ADCY1: variants seen among roughly 807,000 people sequenced by gnomAD.
ADCY1 encodes the protein adenylate cyclase type 1.
A neutral mutation model predicts 105.4 loss-of-function variants in ADCY1; 28 were observed. The observed-to-expected ratio is 0.27, with a 90% CI of 0.20 to 0.36. The LOEUF (loss-of-function observed/expected upper bound fraction) is 0.36, where lower values mean the gene tolerates loss of function less well. Ranked by LOEUF, ADCY1 falls within the 10% of genes least tolerant of loss-of-function variation. The pLI is 1.00. For synonymous variants in ADCY1, 655 were observed against 623.8 expected (o/e 1.05, Z -0.75); for missense variants, 977 against 1,434.2 (o/e 0.68, Z 5.15).
intron 1 of ADCY1, among the ~76,000 whole-genome samples, chr7:45,590,435 G>T (rs1792879607): frequency 6.6e-6 from 1 of 152,312 alleles, no homozygotes; most frequent in East Asian, 1.9e-4. Context: ...CGCAGGCCTT[G>T]CTGGCTTAGC....
chr7:45,634,786 G>A (rs2115991035), intron 4 of ADCY1, among the ~76,000 whole-genome samples: 1 of 152,270 alleles, frequency 6.6e-6, no homozygotes, highest in African/African-American at 2.4e-5. Flanking sequence ...ACATTTATGG[G>A]TTGTAACCCC....
rs762495078 is a variant in ADCY1 at position 45,710,607 on chromosome 7, C to T, written c.3012C>T (p.Asn1004=). Residue 1004 remains asparagine, a synonymous_variant, in exon 19 of 20, where the codon AAC becomes AAT. Coordinates refer to ENST00000297323, the MANE Select transcript of ADCY1 (RefSeq NM_021116.4). The surrounding 1 kb of genome is among the most constrained non-coding windows in gnomAD (Gnocchi z 4.7). ...ACGACATCTGGGGAAACACAGTCAA[C>T]GTGGCCAGTCGGATGGATAGCACAG... The part of the protein sequence containing the change: ...PQYDIWGNTV[N]VASRMDSTGV... 1.9e-6 allele frequency: 3 copies of T among 1,613,990 alleles called. No homozygotes were observed. Among genetic ancestry groups the T allele is most frequent in the Admixed American group, 1.7e-5 (1 of 59,998 alleles).
intron 1 of ADCY1, among the ~76,000 whole-genome samples, chr7:45,580,548 G>T (rs1792504082): frequency 6.6e-6 from 1 of 152,200 alleles, no homozygotes; most frequent in East Asian, 1.9e-4. Flanking sequence ...TCACACTGTA[G>T]TCCCACAGGG....
At chr7:45,675,514 T>C (rs1418358905) in intron 8 of ADCY1, among the ~76,000 whole-genome samples, 1 of 152,126 alleles carries the variant, frequency 6.6e-6, no homozygotes, top group African/African-American at 2.4e-5. Context: ...ACTATTTTCT[T>C]TTTTGTTTCA....
Position 45,610,507 on chromosome 7 carries a change from G to C in ADCY1, c.908+10G>C, listed in dbSNP as rs74882878. On this transcript the variant is annotated intron_variant, in intron 3 of 19. Coordinates refer to ENST00000297323, the MANE Select transcript of ADCY1 (RefSeq NM_021116.4). Reference sequence around the variant, plus strand: ...GGCACGACAATGTGAGGTAGGGCTGGTGCTGACCCGGCACAGCGGGGAGCC... The same window carrying C: ...GGCACGACAATGTGAGGTAGGGCTGCTGCTGACCCGGCACAGCGGGGAGCC... The C allele has an allele frequency of 2.5e-6, 4 of 1,609,812 alleles. No individual in the cohort carries two copies. In the African/African-American group the frequency reaches 4.0e-5, roughly 16 times the overall value.
chr7:45,691,091 T>C (rs189924702), intron 14 of ADCY1, among the ~76,000 whole-genome samples: 1 of 152,346 alleles, frequency 6.6e-6, no homozygotes, highest in East Asian at 1.9e-4. Context: ...TCATCTGGGT[T>C]GACATGGCTT....
At chr7:45,576,558 A>G (rs1025123375) in intron 1 of ADCY1, among the ~76,000 whole-genome samples, 3 of 152,148 alleles carry the variant, frequency 2.0e-5, no homozygotes, top group African/African-American at 7.2e-5. Flanking sequence ...AGGATGGCTA[A>G]AGGCTGAGGA....
At position 45,723,104 on chromosome 7, in the gene ADCY1, T is replaced by C. The variant is rs557633712; in HGVS notation, c.*9109T>C. 1 of 152,658 alleles carries C rather than the reference T, an allele frequency of 6.6e-6. No homozygotes were observed. Among genetic ancestry groups the C allele is most frequent in the African/African-American group, 2.4e-5 (1 of 41,556 alleles). The allele number at this position is 152,658 out of a possible 1,614,324, so 9.5% of individuals were successfully genotyped here. On this transcript the variant is annotated 3_prime_UTR_variant, in exon 20 of 20. Coordinates refer to ENST00000297323, the MANE Select transcript of ADCY1 (RefSeq NM_021116.4). ...ATTTAACAAAAATAAAGGGAAAAAA[T>C]TGCTTGACTAAACTCTGTGGCCATT...
intron 1 of ADCY1, among the ~76,000 whole-genome samples, chr7:45,587,001 C>T (rs1185871048): frequency 6.6e-6 from 1 of 152,240 alleles, no homozygotes; most frequent in East Asian, 1.9e-4. Context: ...TCTCCTGTCC[C>T]CATGGATAGT....
intron 5 of ADCY1, among the ~76,000 whole-genome samples, chr7:45,649,076 TCATA>T (rs751601014): frequency 1.9e-3 from 294 of 152,310 alleles, no homozygotes; most frequent in African/African-American, 3.9e-3. Flanking sequence ...TATGCATGAG[TCATA>T]CAAAAATAAA....
chr7:45,698,169 A>G (rs1192514687), intron 14 of ADCY1, among the ~76,000 whole-genome samples: 1 of 149,108 alleles, frequency 6.7e-6, no homozygotes, highest in African/African-American at 2.6e-5. Flanking sequence ...TCTCTTACAC[A>G]CACACACACA....
intron 11 of ADCY1, among the ~76,000 whole-genome samples, chr7:45,682,566 G>A (rs904543915): frequency 1.3e-5 from 2 of 152,172 alleles, no homozygotes; most frequent in Admixed American, 1.3e-4. Context: ...TCCACAAGGT[G>A]GCTGGGTGTG....
intron 4 of ADCY1, among the ~76,000 whole-genome samples, chr7:45,643,876 G>T (rs2116038395): frequency 6.6e-6 from 1 of 152,292 alleles, no homozygotes; most frequent in South Asian, 2.1e-4. Flanking sequence ...AGGGCACGCT[G>T]ATTCCTCAGT....
intron 4 of ADCY1, among the ~76,000 whole-genome samples, chr7:45,642,561 G>T (rs1320907018): frequency 6.6e-6 from 1 of 152,146 alleles, no homozygotes; most frequent in Non-Finnish European, 1.5e-5. Context: ...TGAACTGGTA[G>T]ATCTTCAGGA....
intron 2 of ADCY1, among the ~76,000 whole-genome samples, chr7:45,608,829 G>T (rs901687184): frequency 6.6e-6 from 1 of 152,116 alleles, no homozygotes; most frequent in African/African-American, 2.4e-5. Context: ...GTGAGGGCTC[G>T]GGTGGGGACT....
chr7:45,621,501 A>G lies in ADCY1; in HGVS notation c.909-1131A>G, dbSNP rs1034922258. Among the ~76,000 whole-genome samples the G allele has an allele frequency of 2.9e-4, 44 of 152,228 alleles. 1 individual carries two copies. Among genetic ancestry groups the G allele is most frequent in the Non-Finnish European group, 1.6e-4 (11 of 68,046 alleles). On this transcript the variant is annotated intron_variant, in intron 3 of 19. Coordinates refer to ENST00000297323, the MANE Select transcript of ADCY1 (RefSeq NM_021116.4). ...TAAAAATTATTATAAATGATTGTGA[A>G]CAATCACTGAGCTCTTACTAGGGGC...
intron 8 of ADCY1, among the ~76,000 whole-genome samples, chr7:45,673,964 C>CATATATATATAT (rs58025464): frequency 1.7e-4 from 19 of 115,134 alleles, no homozygotes; most frequent in African/African-American, 4.4e-4. Flanking sequence ...TTCAGATGAG[C>CATATATATATAT]ATATATATAT....
chr7:45,693,856 A>G (rs1426342713), intron 14 of ADCY1, among the ~76,000 whole-genome samples: 2 of 139,110 alleles, frequency 1.4e-5, no homozygotes, highest in Non-Finnish European at 3.1e-5. Flanking sequence ...TCAGTAAACT[A>G]TCGCAAGAAC....
At chr7:45,584,773 G>A (rs562066618) in intron 1 of ADCY1, among the ~76,000 whole-genome samples, 1 of 152,216 alleles carries the variant, frequency 6.6e-6, no homozygotes, top group Non-Finnish European at 1.5e-5. Flanking sequence ...CTCCAGGAGG[G>A]CTTCTCTCCC....
Sources: gnomAD v4.1 joint callset for allele counts (sites outside exome capture counted in the v4.1 genomes callset) on GRCh38, gnomAD v4.1.1 for gene constraint, Gnocchi (gnomAD v3.1) non-coding constraint, MANE v1.5 for transcripts, NCBI Gene and HGNC (gene_info 2026-07-23, HGNC 2026-07-21) for gene names.